PHOX2A: variants seen among roughly 807,000 people sequenced by gnomAD.
PHOX2A encodes paired like homeobox 2A, also known as paired mesoderm homeobox protein 2A.
PHOX2A carries 10 observed loss-of-function variants against 16.4 expected under a neutral mutation model. That is an observed-to-expected ratio of 0.61 (90% CI 0.38 to 1.04). The LOEUF (loss-of-function observed/expected upper bound fraction) is 1.04, where lower values mean the gene tolerates loss of function less well. Among genes scored for constraint, PHOX2A ranks in the 50% least tolerant of loss-of-function variants. The pLI is 0.01. For synonymous variants in PHOX2A, 219 were observed against 203.8 expected, an observed-to-expected ratio of 1.07 and a Z score of -0.64; for missense variants, 361 against 419.4, an observed-to-expected ratio of 0.86 and a Z score of 1.22.
chr11:72,242,823 ATT>A (rs33910008), intron 1 of PHOX2A, among the ~76,000 whole-genome samples: 4,259 of 146,422 alleles, frequency 0.029, 127 homozygotes, highest in African/African-American at 0.074. Context: ...TGCCCAGCTA[ATT>A]TTTTTTTTTT....
rs765358204 is a variant in PHOX2A at position 72,241,083 on chromosome 11, C to T, written c.405+19G>A. 1.2e-6 allele frequency: 2 copies of T among 1,612,530 alleles called. No homozygotes were observed. The highest frequency in any genetic ancestry group is 2.2e-5 in the South Asian group (2 of 91,052). On this transcript the variant is annotated intron_variant, in intron 2 of 2. Transcript: ENST00000298231. ...CTCCTTCCATGCGCACTCTCGTACA[C>T]ACACGTGCATACACGCACCTGCACG...
In PHOX2A at chr11:72,239,824, G is replaced by T. The variant is rs1329646512; in HGVS notation, c.780C>A (p.Gly260=). The T allele has an allele frequency of 2.2e-5, 30 of 1,363,872 alleles. No homozygotes were observed. Among genetic ancestry groups the T allele is most frequent in the Non-Finnish European group, 2.9e-5 (30 of 1,049,122 alleles). 84.5% of individuals were successfully genotyped at this position (1,363,872 alleles called of 1,614,324 possible). ...ACAGAACCCCGGAGAAGGGCCCGGG[G>T]CCGGACTCCGCCGGCTGCCAAGCCT... ...LLKAWQPAES[G]PGPFSGVLSS... The change falls in exon 3 of 3, where the codon GGC becomes GGA. Residue 260 remains glycine (G), a synonymous_variant. Coordinates refer to ENST00000298231, the MANE Select transcript of PHOX2A (RefSeq NM_005169.4).
At chr11:72,240,653 AAC>A (rs1265869040) in intron 2 of PHOX2A, among the ~76,000 whole-genome samples, 1 of 152,200 alleles carries the variant, frequency 6.6e-6, no homozygotes, top group Non-Finnish European at 1.5e-5. Flanking sequence ...ACAAATAGAC[AAC>A]AGTCTGCTCT....
chr11:72,243,257 G>A (rs1487488917), intron 1 of PHOX2A, among the ~76,000 whole-genome samples: 3 of 152,312 alleles, frequency 2.0e-5, no homozygotes, highest in East Asian at 3.9e-4. Flanking sequence ...GGTGGCTACA[G>A]AAGGGTTCGG....
In PHOX2A at chr11:72,240,204, G is replaced by A. The variant is rs977136167; in HGVS notation, c.406-6C>T. On this transcript the variant is annotated splice_polypyrimidine_tract_variant and splice_region_variant and intron_variant, in intron 2 of 2. Transcript: ENST00000298231. ...CGGCGGTTCTGGAACCAGACCTGCG[G>A]GCACAGGGGCCAGTCAGCCTGGACG... The A allele has an allele frequency of 1.6e-5, 24 of 1,534,244 alleles. No individual in the cohort carries two copies. The African/African-American group carries it at 3.2e-4, about 20-fold the overall frequency.
chr11:72,241,957 A>T lies in PHOX2A; in HGVS notation c.218-668T>A, dbSNP rs1201567993. Among the ~76,000 whole-genome samples, 6 of 142,494 alleles carry T rather than the reference A, an allele frequency of 4.2e-5. No individual in the cohort carries two copies. In the East Asian group the frequency reaches 1.1e-3, roughly 25 times the overall value. 93.5% of individuals were successfully genotyped at this position (142,494 alleles called of 152,430 possible). ...TAGATGTCCCCCTCTCCTCTTCCTA[A>T]TCTTCCTCCATTTGAATCTCTCTTC... On this transcript the variant is annotated intron_variant, in intron 1 of 2. Transcript: ENST00000298231.
Position 72,239,751 on chromosome 11 carries a change from A to G in PHOX2A, c.853T>C (p.Ter285GlnextTer100), listed in dbSNP as rs1334157215. 9 of 1,313,786 alleles carry G rather than the reference A, an allele frequency of 6.9e-6. No individual in the cohort carries two copies. In the East Asian group the frequency reaches 1.4e-4, roughly 21 times the overall value. The allele number at this position is 1,313,786 out of a possible 1,614,324, so 81.4% of individuals were successfully genotyped here. The change falls in exon 3 of 3, where the codon TAG becomes CAG. Residue 285 changes from the stop codon to glutamine, a stop_lost. Transcript: ENST00000298231. ...PGPALKTNLF[*>Q] ...TCGGAGCCTCCAGAGGCCGGCAGCT[A>G]GAAGAGATTGGTCTTCAGGGCGGGG... is the stretch of plus-strand genomic sequence containing the variant.
At chr11:72,241,067 T>C (rs1424564904) in intron 2 of PHOX2A, 35 bp downstream of exon 2, 1 of 1,607,268 alleles carries the variant, frequency 6.2e-7, no homozygotes, top group Non-Finnish European at 8.5e-7. Flanking sequence ...CCTCCTTCCA[T>C]GCGCACTCTC....
intron 1 of PHOX2A, among the ~76,000 whole-genome samples, chr11:72,242,385 T>C (rs1263799317): frequency 1.3e-5 from 2 of 152,188 alleles, no homozygotes; most frequent in African/African-American, 2.4e-5. Context: ...CATCGCCTGA[T>C]ACTTATCTCT....
In PHOX2A at chr11:72,243,929, C is replaced by A. The variant is rs866212469; in HGVS notation, c.76G>T (p.Ala26Ser). The A allele has an allele frequency of 3.8e-6, 5 of 1,305,994 alleles. No individual in the cohort carries two copies. Among genetic ancestry groups the A allele is most frequent in the Middle Eastern group, 2.6e-4 (1 of 3,788 alleles). 80.9% of individuals were successfully genotyped at this position (1,305,994 alleles called of 1,614,324 possible). Residue 26 changes from alanine to serine, a missense_variant, in exon 1 of 3, where the codon GCC (alanine) becomes TCC (serine). Around this residue, in one of 3 missense-constraint regions of PHOX2A, gnomAD observed 235 missense variants for 263.8 expected, o/e 0.89. Coordinates refer to ENST00000298231, the MANE Select transcript of PHOX2A (RefSeq NM_005169.4). ...MEASAYGDFG[A>S]CSQPGGFQYS... ...TGGAAGCCGCCGGGCTGGCTGCAGG[C>A]GCCAAAGTCGCCGTAGGCGGACGCC...
In PHOX2A at chr11:72,239,429, C is replaced by T. The variant is rs1314187649; in HGVS notation, c.*320G>A. 2 of 245,838 alleles carry T rather than the reference C, an allele frequency of 8.1e-6. No individual in the cohort carries two copies. Among genetic ancestry groups the T allele is most frequent in the African/African-American group, 2.2e-5 (1 of 44,682 alleles). The allele number at this position is 245,838 out of a possible 1,614,324, so 15.2% of individuals were successfully genotyped here. On this transcript the variant is annotated 3_prime_UTR_variant, in exon 3 of 3. Coordinates refer to ENST00000298231, the MANE Select transcript of PHOX2A (RefSeq NM_005169.4). The stretch of plus-strand genomic sequence containing the variant: ...GGGCTGTGCCGATCCTCCTTGAGGA[C>T]CTTCACTTTGAGGGCACTGTTAGGG...
intron 2 of PHOX2A, among the ~76,000 whole-genome samples, chr11:72,240,582 A>G (rs1949108915): frequency 6.6e-6 from 1 of 152,180 alleles, no homozygotes; most frequent in Non-Finnish European, 1.5e-5. Flanking sequence ...GGCGCCAGTA[A>G]ACCTTTTGTC....
In PHOX2A at chr11:72,239,723, G is replaced by A. The variant is rs1368442225; in HGVS notation, c.*26C>T. On this transcript the variant is annotated 3_prime_UTR_variant, in exon 3 of 3. Coordinates refer to ENST00000298231, the MANE Select transcript of PHOX2A (RefSeq NM_005169.4). ...AGGGGCAGGGACGTCTCTGGGGGCA[G>A]GCTCGGAGCCTCCAGAGGCCGGCAG... 2 of 1,303,704 alleles carry A rather than the reference G, an allele frequency of 1.5e-6. No individual in the cohort carries two copies. The highest frequency in any genetic ancestry group is 1.5e-5 in the African/African-American group (1 of 66,168). The allele number at this position is 1,303,704 out of a possible 1,614,324, so 80.8% of individuals were successfully genotyped here. A position where few individuals can be genotyped will look rare whatever the true frequency, so the allele number is the denominator to read the frequency against.
In PHOX2A at chr11:72,241,285, G is replaced by A; in HGVS notation, c.222C>T (p.Pro74=). The change falls in exon 2 of 3, where the codon CCC becomes CCT. Residue 74 remains proline (P), a synonymous_variant. Coordinates refer to ENST00000298231, the MANE Select transcript of PHOX2A (RefSeq NM_005169.4). ...DHQPAPYSAV[P]YKFFPEPSGL... ...CGGATGGCTCTGGGAAGAACTTGTA[G>A]GGCACTGCGGGTGTGTGCAGGGGGG... is the stretch of plus-strand genomic sequence containing the variant. 6.3e-7 allele frequency: 1 copy of A among 1,586,050 alleles called. No individual in the cohort carries two copies. The highest frequency in any genetic ancestry group is 8.6e-7 in the Non-Finnish European group (1 of 1,169,110).
chr11:72,242,853 G>C (rs1449458607), intron 1 of PHOX2A, among the ~76,000 whole-genome samples: 1 of 151,130 alleles, frequency 6.6e-6, no homozygotes, highest in African/African-American at 2.4e-5. Context: ...TTTTAATGGA[G>C]ATGGGGTTTC....
In PHOX2A at chr11:72,244,024, G is replaced by GGGGGC. The variant is rs1949143131; in HGVS notation, c.-25_-21dup. 2.5e-6 allele frequency: 3 copies of GGGGGC among 1,209,288 alleles called. No homozygotes were observed. The South Asian group carries it at 1.2e-4, about 47-fold the overall frequency. The allele number at this position is 1,209,288 out of a possible 1,614,324, so 74.9% of individuals were successfully genotyped here. ...GTCCATCGGCCCGGGGGGCGGGGGCGGGGGCCGGGCCAGGCCGGGTCGGGG... is the reference window on the plus strand; with the variant it reads ...GTCCATCGGCCCGGGGGGCGGGGGCGGGGGCGGGGCCGGGCCAGGCCGGGTCGGGG... On this transcript the variant is annotated 5_prime_UTR_variant, in exon 1 of 3. Coordinates refer to ENST00000298231, the MANE Select transcript of PHOX2A (RefSeq NM_005169.4).
chr11:72,240,286 G>A, intron 2 of PHOX2A, 88 bp from the exon 3 acceptor site: 1 of 1,493,420 alleles, frequency 6.7e-7, no homozygotes, highest in Non-Finnish European at 8.9e-7. Flanking sequence ...TGAGATCCTG[G>A]TTCGGAAAGA....
At position 72,243,873 on chromosome 11, in the gene PHOX2A, C is replaced by T. The variant is rs1395319520; in HGVS notation, c.132G>A (p.Ala44=). The change falls in exon 1 of 3, where the codon GCG becomes GCA. Residue 44 remains alanine (A), a synonymous_variant. Coordinates refer to ENST00000298231, the MANE Select transcript of PHOX2A (RefSeq NM_005169.4). ...QYSPLRPAFP[A]AGPPCPALGS... ...CGAGCGCGGGGCAGGGCGGCCCTGC[C>T]GCGGGGAAAGCGGGCCGCAGGGGGC... 3 of 1,273,962 alleles carry T rather than the reference C, an allele frequency of 2.4e-6. No homozygotes were observed. The highest frequency in any genetic ancestry group is 3.0e-6 in the Non-Finnish European group (3 of 1,005,570). The allele number at this position is 1,273,962 out of a possible 1,614,324, so 78.9% of individuals were successfully genotyped here. A position where few individuals can be genotyped will look rare whatever the true frequency, so the allele number is the denominator to read the frequency against.
chr11:72,240,625 A>G (rs908195234), intron 2 of PHOX2A, among the ~76,000 whole-genome samples: 2 of 152,200 alleles, frequency 1.3e-5, no homozygotes, highest in African/African-American at 4.8e-5. Context: ...CCAACTGAAC[A>G]TCTGTACACG....
Sources: allele counts gnomAD v4.1 joint callset (sites outside exome capture counted in the v4.1 genomes callset), GRCh38; gene constraint gnomAD v4.1.1; regional missense constraint gnomAD v4.1.1; transcripts MANE v1.5; gene names NCBI Gene and HGNC (gene_info 2026-07-23, HGNC 2026-07-21).